The following DUSP5 variants were observed in gnomAD, a reference collection of about 807,000 sequenced individuals.
The protein encoded by DUSP5 is dual specificity protein phosphatase 5.
Under a neutral mutation model 33.6 loss-of-function variants are expected in DUSP5, and 22 were observed. The ratio of observed to expected loss-of-function variants is 0.66; its 90% CI spans 0.47 to 0.94. The LOEUF is 0.94. DUSP5 is among the 40% of genes least tolerant of loss of function. The pLI is 0.00. For synonymous variants in DUSP5, 270 were observed against 231.1 expected (o/e 1.17, Z -1.53); for missense variants, 551 against 522.1 (o/e 1.06, Z -0.54).
intron 1 of DUSP5, among the ~76,000 whole-genome samples, chr10:110,499,627 C>T (rs1375972751): frequency 6.6e-6 from 1 of 152,138 alleles, no homozygotes; most frequent in Non-Finnish European, 1.5e-5. Context: ...GAGACAGTTC[C>T]CCTCTCTGCT....
intron 2 of DUSP5, among the ~76,000 whole-genome samples, chr10:110,505,527 C>T (rs1405310538): frequency 6.6e-6 from 1 of 152,208 alleles, no homozygotes; most frequent in Non-Finnish European, 1.5e-5. Flanking sequence ...AAGCTAACTC[C>T]GGGTGTGGGG....
At chr10:110,509,896 C>T in intron 3 of DUSP5, 124 bp from the exon 4 acceptor site, 1 of 1,290,162 alleles carries the variant, frequency 7.8e-7, no homozygotes. Flanking sequence ...TAGTGTAGGG[C>T]CGTGGCTCTT....
intron 2 of DUSP5, among the ~76,000 whole-genome samples, chr10:110,505,583 C>T (rs1283750300): frequency 6.6e-6 from 1 of 152,176 alleles, no homozygotes; most frequent in Non-Finnish European, 1.5e-5. Context: ...ACGCACCCTT[C>T]CCTGTTAGGG....
intron 1 of DUSP5, among the ~76,000 whole-genome samples, chr10:110,499,635 G>A (rs1478009043): frequency 6.6e-6 from 1 of 152,176 alleles, no homozygotes; most frequent in African/African-American, 2.4e-5. Flanking sequence ...TCCCCTCTCT[G>A]CTAGCACCTC....
At chr10:110,507,971 C>T (rs1399830101) in intron 3 of DUSP5, among the ~76,000 whole-genome samples, 1 of 152,230 alleles carries the variant, frequency 6.6e-6, no homozygotes, top group African/African-American at 2.4e-5. Context: ...TTTCCAGCTC[C>T]CATCTTCCTC....
chr10:110,505,097 C>G (rs1156870944), intron 2 of DUSP5, among the ~76,000 whole-genome samples: 1 of 152,220 alleles, frequency 6.6e-6, no homozygotes, highest in Non-Finnish European at 1.5e-5. Context: ...GACATTTTAT[C>G]TCTAGAGGAA....
rs1171794763 is a variant in DUSP5 at position 110,498,432 on chromosome 10, C to A, written c.311C>A (p.Ala104Asp). 8 of 1,535,914 alleles carry A rather than the reference C, an allele frequency of 5.2e-6. No homozygotes were observed. The Admixed American group carries it at 1.3e-4, about 26-fold the overall frequency. ...RHWQKLREES[A>D]ARVVLTSLLA... ...TGGCAGAAGCTGCGAGAGGAGAGCGCCGCGCGTGTCGTCCTCACCTCGCTA... is the reference window on the plus strand; with the variant it reads ...TGGCAGAAGCTGCGAGAGGAGAGCGACGCGCGTGTCGTCCTCACCTCGCTA... Residue 104 changes from alanine to aspartate, a missense_variant, in exon 1 of 4, where the codon GCC becomes GAC. Coordinates refer to ENST00000369583, the MANE Select transcript of DUSP5 (RefSeq NM_004419.4).
rs116576227 is a variant in DUSP5, at chr10:110,508,804, T to A, written c.749-1216T>A. 8.6e-3 allele frequency among the ~76,000 whole-genome samples: 1,317 copies of A among 152,366 alleles called. 21 individuals are homozygous for A. The highest frequency in any genetic ancestry group is 0.03 in the African/African-American group (1,255 of 41,590). ...AAAGAGACTGTTTTGTTGTTTCTTT[T>A]GAGTCAGACTGAATTGGAGGACACC... On this transcript the variant is annotated intron_variant, in intron 3 of 3. Transcript: ENST00000369583.
At position 110,497,921 on chromosome 10, in the gene DUSP5, C is replaced by A; in HGVS notation, c.-201C>A. 1 of 238,108 alleles carries A rather than the reference C, an allele frequency of 4.2e-6. No homozygotes were observed. Among genetic ancestry groups the A allele is most frequent in the Non-Finnish European group, 6.8e-6 (1 of 147,034 alleles). 14.7% of individuals were successfully genotyped at this position (238,108 alleles called of 1,614,324 possible). On this transcript the variant is annotated 5_prime_UTR_variant, in exon 1 of 4. Coordinates refer to ENST00000369583, the MANE Select transcript of DUSP5 (RefSeq NM_004419.4). ...GCGGAATCCCCGGCTTCTAGGGCGG[C>A]GAGCGGCCGGGCTGGCTATCGAGCG... is the stretch of plus-strand genomic sequence containing the variant.
At chr10:110,507,292 A>C (rs1435696364) in intron 3 of DUSP5, 138 bp downstream of exon 3, 1 of 855,124 alleles carries the variant, frequency 1.2e-6, no homozygotes, top group Non-Finnish European at 1.8e-6. Context: ...GTTGGAGCCA[A>C]CATGGGATGC....
At chr10:110,507,451 C>T (rs1042180714) in intron 3 of DUSP5, among the ~76,000 whole-genome samples, 4 of 152,174 alleles carry the variant, frequency 2.6e-5, no homozygotes, top group African/African-American at 7.2e-5. Context: ...TGTATCCCTG[C>T]GTAATGCTCC....
In DUSP5 at chr10:110,510,279, TTC is replaced by T; in HGVS notation, c.1009_1010del (p.Ser337ThrfsTer11). ...CCTGCCAAGGGGAGGCAGCAGGCTC[TTC>T]ACTGATAGGCCATTTGCAGACACTG... ...PSCQGEAAGS[S>X]LIGHLQTLSP... On this transcript the variant is annotated frameshift_variant, in exon 4 of 4. Transcript: ENST00000369583. LOFTEE classifies it high-confidence loss of function. 1 of 1,614,188 alleles carries T rather than the reference TTC, an allele frequency of 6.2e-7. No individual in the cohort carries two copies.
Position 110,511,409 on chromosome 10 carries a change from T to TAA in DUSP5, c.*984_*985insAA, listed in dbSNP as rs1351987562. Reference sequence around the variant, plus strand: ...CTACTTTTTTTTTCTTTTTGTCTGTTAGTTATTTCTCCAGGGGAAAAGGCA... The same window carrying TAA: ...CTACTTTTTTTTTCTTTTTGTCTGTTAAAGTTATTTCTCCAGGGGAAAAGGCA... On this transcript the variant is annotated 3_prime_UTR_variant, in exon 4 of 4. Transcript: ENST00000369583. 1 of 152,630 alleles carries TAA rather than the reference T, an allele frequency of 6.6e-6. No homozygotes were observed. The highest frequency in any genetic ancestry group is 1.5e-5 in the Non-Finnish European group (1 of 68,028). The allele number at this position is 152,630 out of a possible 1,614,324, so 9.5% of individuals were successfully genotyped here.
At chr10:110,504,285 C>T (rs531716316) in intron 2 of DUSP5, among the ~76,000 whole-genome samples, 1 of 152,350 alleles carries the variant, frequency 6.6e-6, no homozygotes, top group East Asian at 1.9e-4. Flanking sequence ...CCCCCTAATG[C>T]TACTTCTTAG....
At position 110,498,254 on chromosome 10, in the gene DUSP5, G is replaced by A. The variant is rs573643898; in HGVS notation, c.133G>A (p.Val45Ile). The A allele has an allele frequency of 2.0e-5, 30 of 1,502,070 alleles. No homozygotes were observed. Among genetic ancestry groups the A allele is most frequent in the African/African-American group, 1.3e-4 (9 of 69,036 alleles). 93.0% of individuals were successfully genotyped at this position (1,502,070 alleles called of 1,614,324 possible). Reference protein sequence around the residue: ...AASNVRGSLNVNLNSVVLRRA... With the variant: ...AASNVRGSLNINLNSVVLRRA... The stretch of plus-strand genomic sequence containing the variant: ...CTCGAACGTGCGCGGCTCGCTCAAC[G>A]TCAACCTCAACTCGGTGGTGCTGCG... The change falls in exon 1 of 4, where the codon GTC becomes ATC. Residue 45 changes from valine to isoleucine, a missense_variant. Val to Ile is a conservative substitution (Grantham distance 29). Coordinates refer to ENST00000369583, the MANE Select transcript of DUSP5 (RefSeq NM_004419.4).
intron 3 of DUSP5, 120 bp downstream of exon 3, chr10:110,507,274 T>A: frequency 1.9e-6 from 2 of 1,030,098 alleles, no homozygotes; most frequent in African/African-American, 1.6e-5. Flanking sequence ...TATATGCCGC[T>A]GCTGAGAGTT....
intron 3 of DUSP5, among the ~76,000 whole-genome samples, chr10:110,509,407 T>C (rs926005679): frequency 3.3e-5 from 5 of 152,146 alleles, no homozygotes; most frequent in Non-Finnish European, 5.9e-5. Flanking sequence ...ATTTATTGTG[T>C]GTTTGGTGGT....
At position 110,504,968 on chromosome 10, in the gene DUSP5, C is replaced by T. The variant is rs141089378; in HGVS notation, c.529-1967C>T. On this transcript the variant is annotated intron_variant, in intron 2 of 3. Coordinates refer to ENST00000369583, the MANE Select transcript of DUSP5 (RefSeq NM_004419.4). ...TAAGCATGGAGCTCTGGAACTTAAC[C>T]AAGAGCTCCGCTGTCTGACGCCCAA... Among the ~76,000 whole-genome samples, 44 of 152,282 alleles carry T rather than the reference C, an allele frequency of 2.9e-4. No individual in the cohort carries two copies. The East Asian group carries it at 5.6e-3, about 19-fold the overall frequency.
intron 3 of DUSP5, among the ~76,000 whole-genome samples, chr10:110,509,185 G>T (rs952440984): frequency 6.6e-6 from 1 of 152,168 alleles, no homozygotes; most frequent in African/African-American, 2.4e-5. Flanking sequence ...AATAGTTGTA[G>T]CTGGTTTTCT....
Sources: allele counts gnomAD v4.1 joint callset (sites outside exome capture counted in the v4.1 genomes callset), GRCh38; gene constraint gnomAD v4.1.1; transcripts MANE v1.5; gene names NCBI Gene and HGNC (gene_info 2026-07-23, HGNC 2026-07-21).